The following GUCY2F variants were observed in gnomAD, a reference collection of about 807,000 sequenced individuals.
GUCY2F encodes guanylate cyclase 2F, retinal.
In GUCY2F, 61 loss-of-function variants were observed where a neutral mutation model predicts 73.1. The ratio of observed to expected loss-of-function variants is 0.83; its 90% CI spans 0.68 to 1.03. The LOEUF is 1.03. Among genes scored for constraint, GUCY2F ranks in the 50% least tolerant of loss-of-function variants. The pLI is 0.00. For missense variants in GUCY2F, 912 were observed against 854.3 expected, an observed-to-expected ratio of 1.07 and a Z score of -0.84; for synonymous variants, 331 against 307.8, an observed-to-expected ratio of 1.08 and a Z score of -0.79.
At chrX:109,431,992 C>G in intron 7 of GUCY2F, among the ~76,000 whole-genome samples, 1 of 110,872 alleles carries the variant, frequency 9.0e-6, no homozygotes, top group East Asian at 2.8e-4. Context: ...TCAGTGCCTG[C>G]CTGCAGCAGA....
intron 17 of GUCY2F, among the ~76,000 whole-genome samples, chrX:109,379,335 C>A (rs1343543282): frequency 1.8e-5 from 2 of 110,391 alleles, no homozygotes; most frequent in Admixed American, 9.8e-5. Flanking sequence ...GTTAATAATG[C>A]TGTACATTTC....
chrX:109,437,688 G>C (rs963686932), intron 7 of GUCY2F, among the ~76,000 whole-genome samples: 1 of 112,892 alleles, frequency 8.9e-6, no homozygotes, highest in Non-Finnish European at 1.9e-5. Context: ...TGAGGGTGGG[G>C]CCTGGGAGCA....
chrX:109,459,908 A>C (rs966115036), intron 3 of GUCY2F, among the ~76,000 whole-genome samples: 6 of 111,743 alleles, frequency 5.4e-5, no homozygotes, highest in Non-Finnish European at 1.1e-4. Context: ...AACGGATAAA[A>C]TAGAGAGCAG....
intron 10 of GUCY2F, among the ~76,000 whole-genome samples, chrX:109,400,761 G>A (rs1373421040): frequency 8.9e-6 from 1 of 111,863 alleles, no homozygotes; most frequent in Non-Finnish European, 1.9e-5. Flanking sequence ...TAGTGATTTT[G>A]CCCCTATGTC....
intron 10 of GUCY2F, among the ~76,000 whole-genome samples, chrX:109,400,489 A>C (rs1484578676): frequency 8.9e-6 from 1 of 112,253 alleles, no homozygotes; most frequent in Non-Finnish European, 1.9e-5. Flanking sequence ...TGAAATAGGA[A>C]GAAGGGTGAA....
intron 6 of GUCY2F, among the ~76,000 whole-genome samples, chrX:109,447,170 C>T (rs1461785681): frequency 8.9e-6 from 1 of 111,739 alleles, no homozygotes; most frequent in Non-Finnish European, 1.9e-5. Context: ...ACTTTTACAC[C>T]ATTGGTGGGA....
chrX:109,476,165 C>T (rs1303619811), intron 1 of GUCY2F, 144 bp from the exon 2 acceptor site: 2 of 322,270 alleles, frequency 6.2e-6, no homozygotes, highest in Admixed American at 5.5e-5. Flanking sequence ...CAAAACTCCT[C>T]CTCTTCCTGT....
chrX:109,459,911 G>A (rs1467582813), intron 3 of GUCY2F, among the ~76,000 whole-genome samples: 1 of 111,203 alleles, frequency 9.0e-6, no homozygotes, highest in East Asian at 2.8e-4. Flanking sequence ...GGATAAAATA[G>A]AGAGCAGAAG....
At chrX:109,405,498 C>T (rs1930951536) in intron 9 of GUCY2F, among the ~76,000 whole-genome samples, 1 of 112,402 alleles carries the variant, frequency 8.9e-6, no homozygotes, top group African/African-American at 3.2e-5. Context: ...TGGATTTATT[C>T]ATTCTGTATA....
At chrX:109,402,985 C>T (rs1189341562) in intron 10 of GUCY2F, among the ~76,000 whole-genome samples, 3 of 111,643 alleles carry the variant, frequency 2.7e-5, no homozygotes, top group Non-Finnish European at 5.6e-5. Flanking sequence ...TTAAAACTTA[C>T]GCCAAAGGTA....
At chrX:109,419,690 G>A (rs1931319044) in intron 8 of GUCY2F, among the ~76,000 whole-genome samples, 1 of 110,027 alleles carries the variant, frequency 9.1e-6, no homozygotes, top group Admixed American at 9.7e-5. Flanking sequence ...AATAAATGGT[G>A]ACATATACCA....
chrX:109,403,714 C>T (rs776993644), intron 10 of GUCY2F, among the ~76,000 whole-genome samples: 39 of 112,357 alleles, frequency 3.5e-4, no homozygotes, highest in Non-Finnish European at 6.6e-4. Context: ...AAGGACCACC[C>T]TGGTCTATGT....
intron 6 of GUCY2F, 32 bp downstream of exon 6, chrX:109,448,037 A>G (rs1277345875): frequency 1.5e-6 from 1 of 686,196 alleles, no homozygotes; most frequent in Admixed American, 2.3e-5. Context: ...ACCATGTTGG[A>G]CAGGGCAGCA....
rs187524174 is a variant in GUCY2F, at chrX:109,395,866, T to A, written c.2276-377A>T. 2.5e-3 allele frequency among the ~76,000 whole-genome samples: 276 copies of A among 111,545 alleles called. 1 individual carries two copies. The highest frequency in any genetic ancestry group is 4.6e-3 in the Middle Eastern group (1 of 218). On this transcript the variant is annotated intron_variant, in intron 11 of 19. Transcript: ENST00000218006. ...CCCCACAATAGACCCACTTAACTCT[T>A]CTTACAAGCCCAGGCCCAGCCCAGG...
chrX:109,447,886 A>T (rs1033823503), intron 6 of GUCY2F, among the ~76,000 whole-genome samples, 183 bp downstream of exon 6: 1 of 106,032 alleles, frequency 9.4e-6, no homozygotes, highest in South Asian at 3.9e-4. Flanking sequence ...AATTTTTTTA[A>T]TTTTTTTTTT....
intron 3 of GUCY2F, among the ~76,000 whole-genome samples, chrX:109,464,716 G>A (rs749833580): frequency 3.0e-4 from 34 of 112,529 alleles, no homozygotes; most frequent in Middle Eastern, 4.6e-3. Context: ...ATGCCTACAG[G>A]TAGAAGCCGC....
intron 8 of GUCY2F, among the ~76,000 whole-genome samples, chrX:109,425,612 G>A (rs1016436374): frequency 6.5e-5 from 7 of 108,196 alleles, no homozygotes; most frequent in African/African-American, 2.4e-4. Flanking sequence ...AGGATGCAAA[G>A]GCATAAGAAT....
intron 3 of GUCY2F, among the ~76,000 whole-genome samples, chrX:109,457,365 A>C (rs1932280846): frequency 8.9e-6 from 1 of 112,031 alleles, no homozygotes; most frequent in Non-Finnish European, 1.9e-5. Flanking sequence ...AGAAGTGTAC[A>C]TTAAAACATG....
intron 3 of GUCY2F, among the ~76,000 whole-genome samples, chrX:109,464,358 T>C (rs780911734): frequency 8.9e-5 from 10 of 112,481 alleles, no homozygotes; most frequent in Non-Finnish European, 1.9e-4. Context: ...CATACATTTA[T>C]CTACACACAT....
Sources: gnomAD v4.1 joint callset for allele counts (sites outside exome capture counted in the v4.1 genomes callset) on GRCh38, gnomAD v4.1.1 for gene constraint, MANE v1.5 for transcripts, NCBI Gene and HGNC (gene_info 2026-07-23, HGNC 2026-07-21) for gene names.